CHMP1A: variants seen among roughly 807,000 people sequenced by gnomAD.
CHMP1A encodes the protein charged multivesicular body protein 1A.
Under a neutral mutation model 27.0 loss-of-function variants are expected in CHMP1A, and 17 were observed. The observed-to-expected ratio is 0.63, with a 90% CI of 0.43 to 0.95. The LOEUF (loss-of-function observed/expected upper bound fraction) is 0.95. CHMP1A is among the 40% of genes least tolerant of loss of function. The pLI, the probability that CHMP1A is intolerant of heterozygous loss-of-function variation, is 0.00. For synonymous variants in CHMP1A, 131 were observed against 107.5 expected, an observed-to-expected ratio of 1.22 and a Z score of -1.35; for missense variants, 275 against 264.0, an observed-to-expected ratio of 1.04 and a Z score of -0.29.
chr16:89,648,915 C>T (rs993186652), intron 4 of CHMP1A, among the ~76,000 whole-genome samples: 5 of 151,548 alleles, frequency 3.3e-5, no homozygotes. Flanking sequence ...GTCTCAGCTA[C>T]TTGCGAGGCT....
chr16:89,646,786 T>A, intron 5 of CHMP1A, 72 bp from the exon 6 acceptor site: 1 of 1,487,040 alleles, frequency 6.7e-7, no homozygotes, highest in Non-Finnish European at 9.2e-7. Flanking sequence ...TTCACAAGGG[T>A]ACGACTGCAC....
At position 89,649,768 on chromosome 16, in the gene CHMP1A, G is replaced by A. The variant is rs148889674; in HGVS notation, c.106-271C>T. 0.024 allele frequency among the ~76,000 whole-genome samples: 3,691 copies of A among 152,220 alleles called. 679 individuals carry two copies. In the East Asian group the frequency reaches 0.5, roughly 21 times the overall value. On this transcript the variant is annotated intron_variant, in intron 3 of 6. Transcript: ENST00000397901. ...TTTTTTTGTATTTTTAGTAGAGATG[G>A]GGTTTCACCGTGTTAGCCAGGATGG...
chr16:89,647,133 C>T lies in CHMP1A; in HGVS notation c.381+70G>A. On this transcript the variant is annotated intron_variant, in intron 5 of 6. Transcript: ENST00000397901. The stretch of plus-strand genomic sequence containing the variant: ...GACAGCACGTCAGCCTGTGAGCCAC[C>T]CCTCCCGATGAGCTGCCCACACACG... The T allele has an allele frequency of 1.9e-6, 3 of 1,571,524 alleles. No individual in the cohort carries two copies. In the South Asian group the frequency reaches 3.5e-5, roughly 18 times the overall value.
At chr16:89,653,796 A>G in intron 2 of CHMP1A, 108 bp downstream of exon 2, 1 of 1,185,624 alleles carries the variant, frequency 8.4e-7, no homozygotes. Flanking sequence ...GCGGTCACTC[A>G]ACTGTTATAT....
intron 1 of CHMP1A, among the ~76,000 whole-genome samples, chr16:89,654,582 T>A (rs2059849810): frequency 6.6e-6 from 1 of 151,998 alleles, no homozygotes; most frequent in Non-Finnish European, 1.5e-5. Context: ...GGCGGGCAGA[T>A]CACTTGAGGT....
At chr16:89,656,683 C>T (rs769587331) in intron 1 of CHMP1A, among the ~76,000 whole-genome samples, 2 of 152,216 alleles carry the variant, frequency 1.3e-5, no homozygotes, top group Admixed American at 6.5e-5. Flanking sequence ...GTGACCAGGG[C>T]CTGGCACTCA....
intron 2 of CHMP1A, among the ~76,000 whole-genome samples, chr16:89,653,298 C>T (rs1162589046): frequency 4.1e-5 from 6 of 147,136 alleles, no homozygotes; most frequent in African/African-American, 9.8e-5. Context: ...CGTGAGCCAC[C>T]GCGCCTGGCC....
chr16:89,655,368 GCTTTCCCTCACCTCA>G (rs2059856325), intron 1 of CHMP1A, among the ~76,000 whole-genome samples: 1 of 51,354 alleles, frequency 1.9e-5, no homozygotes, highest in Admixed American at 3.5e-4. Context: ...CCTCATCTCA[GCTTTCCCTCACCTCA>G]GCTTTCCCTC....
At chr16:89,649,744 T>A (rs1019827346) in intron 3 of CHMP1A, among the ~76,000 whole-genome samples, 1 of 151,930 alleles carries the variant, frequency 6.6e-6, no homozygotes, top group African/African-American at 2.4e-5. Context: ...CCTGGCTAAT[T>A]TTTTTGTATT....
intron 4 of CHMP1A, chr16:89,649,083 C>A (rs917564480): frequency 9.2e-6 from 4 of 433,504 alleles, no homozygotes; most frequent in Non-Finnish European, 1.6e-5. Context: ...CTTCCTGGGG[C>A]ATCAGTGCAA....
intron 4 of CHMP1A, among the ~76,000 whole-genome samples, 188 bp from the exon 5 acceptor site, chr16:89,647,519 T>C (rs940852433): frequency 6.8e-6 from 1 of 147,426 alleles, no homozygotes; most frequent in African/African-American, 2.6e-5. Flanking sequence ...GAAAAGGCCA[T>C]GGAGACCCAG....
intron 1 of CHMP1A, 47 bp downstream of exon 1, chr16:89,657,535 G>A: frequency 6.2e-7 from 1 of 1,606,310 alleles, no homozygotes; most frequent in South Asian, 1.1e-5. Flanking sequence ...GGGAGAAGCG[G>A]CCCCGCCCCG....
At position 89,645,977 on chromosome 16, in the gene CHMP1A, G is replaced by T. The variant is rs1228007428; in HGVS notation, c.*89C>A. On this transcript the variant is annotated 3_prime_UTR_variant, in exon 7 of 7. Transcript: ENST00000397901. Reference sequence around the variant, plus strand: ...TGGCTGCCGGCCGCAGCCCCGCGGGGTCAGCACAAAGGCAAGACGCGGTGG... The same window carrying T: ...TGGCTGCCGGCCGCAGCCCCGCGGGTTCAGCACAAAGGCAAGACGCGGTGG... 6.2e-7 allele frequency: 1 copy of T among 1,612,392 alleles called. No homozygotes were observed. The highest frequency in any genetic ancestry group is 8.5e-7 in the Non-Finnish European group (1 of 1,179,504).
In CHMP1A at chr16:89,645,674, G is replaced by A. The variant is rs73265376; in HGVS notation, c.*392C>T. ...GACCTCCTGCCCGCTGAGGTGGTGC[G>A]GAGAGGCCTCAGGGAGTTGTTTGGC... On this transcript the variant is annotated 3_prime_UTR_variant, in exon 7 of 7. Transcript: ENST00000397901. 13 of 348,892 alleles carry A rather than the reference G, an allele frequency of 3.7e-5. No individual in the cohort carries two copies. Among genetic ancestry groups the A allele is most frequent in the South Asian group, 2.1e-4 (9 of 43,326 alleles). The allele number at this position is 348,892 out of a possible 1,614,324, so 21.6% of individuals were successfully genotyped here.
intron 2 of CHMP1A, among the ~76,000 whole-genome samples, chr16:89,652,045 C>A (rs2059828620): frequency 6.6e-6 from 1 of 152,260 alleles, no homozygotes; most frequent in African/African-American, 2.4e-5. Flanking sequence ...AGGCTACCCC[C>A]AAGTCATAAC....
intron 3 of CHMP1A, among the ~76,000 whole-genome samples, chr16:89,651,306 G>A (rs534056480): frequency 6.9e-6 from 1 of 144,180 alleles, no homozygotes; most frequent in South Asian, 2.3e-4. Flanking sequence ...GGGAGGCGGA[G>A]GTTGCAGTGA....
chr16:89,645,991 A>C lies in CHMP1A; in HGVS notation c.*75T>G, dbSNP rs1181382149. The C allele has an allele frequency of 2.9e-5, 46 of 1,612,300 alleles. No individual in the cohort carries two copies. The highest frequency in any genetic ancestry group is 3.8e-5 in the Non-Finnish European group (45 of 1,179,504). ...AGCCCCGCGGGGTCAGCACAAAGGCAAGACGCGGTGGGGAGAGGACAGGAG... is the reference window on the plus strand; with the variant it reads ...AGCCCCGCGGGGTCAGCACAAAGGCCAGACGCGGTGGGGAGAGGACAGGAG... On this transcript the variant is annotated 3_prime_UTR_variant, in exon 7 of 7. Coordinates refer to ENST00000397901, the MANE Select transcript of CHMP1A (RefSeq NM_002768.5).
In CHMP1A at chr16:89,645,885, C is replaced by T; in HGVS notation, c.*181G>A. The T allele has an allele frequency of 1.3e-6, 2 of 1,584,900 alleles. No individual in the cohort carries two copies. Among genetic ancestry groups the T allele is most frequent in the East Asian group, 2.3e-5 (1 of 43,884 alleles). ...AACTCAACACCAGGACACAGACCCA[C>T]CGCCCAACCTAAAAGAACAGGAACA... On this transcript the variant is annotated 3_prime_UTR_variant, in exon 7 of 7. Coordinates refer to ENST00000397901, the MANE Select transcript of CHMP1A (RefSeq NM_002768.5).
rs1289782542 is a variant in CHMP1A, at chr16:89,648,386, A to C, written c.252+965T>G. On this transcript the variant is annotated intron_variant, in intron 4 of 6. Transcript: ENST00000397901. ...GAGACCCAGCGCGGGGTCGGTGGAG[A>C]AAAGGCCGCCGACGTGGGGACCCAG... Among the ~76,000 whole-genome samples the C allele has an allele frequency of 1.2e-3, 133 of 112,894 alleles. 11 individuals carry two copies. Among genetic ancestry groups the C allele is most frequent in the Non-Finnish European group, 2.1e-3 (108 of 52,106 alleles). The allele number at this position is 112,894 out of a possible 152,430, so 74.1% of individuals were successfully genotyped here.
Sources: allele counts gnomAD v4.1 joint callset (sites outside exome capture counted in the v4.1 genomes callset), GRCh38; gene constraint gnomAD v4.1.1; transcripts MANE v1.5; gene names NCBI Gene and HGNC (gene_info 2026-07-23, HGNC 2026-07-21).